Variants in USP38 observed in about 807,000 individuals in gnomAD.
USP38 encodes ubiquitin carboxyl-terminal hydrolase 38.
USP38 carries 49 observed loss-of-function variants against 94.3 expected under a neutral mutation model. The ratio of observed to expected loss-of-function variants is 0.52; its 90% CI spans 0.41 to 0.66. The LOEUF is 0.66. Among genes scored for constraint, USP38 ranks in the 30% least tolerant of loss-of-function variants. The pLI is 0.00. For synonymous variants in USP38, 468 were observed against 463.6 expected (o/e 1.01, Z -0.12); for missense variants, 1,128 against 1,229.4 (o/e 0.92, Z 1.23).
intron 7 of USP38, among the ~76,000 whole-genome samples, chr4:143,210,290 A>C (rs1187483556): frequency 3.9e-5 from 6 of 152,212 alleles, no homozygotes; most frequent in Admixed American, 3.9e-4. Context: ...AGTGATAAGC[A>C]TTAAAAGAAG....
At chr4:143,206,258 C>A (rs960690834) in intron 6 of USP38, 32 bp downstream of exon 6, 6 of 1,501,662 alleles carry the variant, frequency 4.0e-6, no homozygotes, top group Admixed American at 4.1e-5. Flanking sequence ...TTCATTTTAA[C>A]TGTAGAAGTT....
At chr4:143,206,007 C>T (rs544864880) in intron 5 of USP38, 26 bp from the exon 6 acceptor site, 13 of 1,438,354 alleles carry the variant, frequency 9.0e-6, no homozygotes, top group Non-Finnish European at 1.1e-5. Flanking sequence ...TACTTTTAAA[C>T]TGTTTTTCTT....
intron 4 of USP38, among the ~76,000 whole-genome samples, chr4:143,199,867 G>A (rs1731662350): frequency 6.6e-6 from 1 of 152,102 alleles, no homozygotes; most frequent in South Asian, 2.1e-4. Flanking sequence ...TATAGAGGCT[G>A]GATATTAGAC....
At chr4:143,209,489 CAAAA>C in intron 6 of USP38, 71 bp from the exon 7 acceptor site, 3 of 699,098 alleles carry the variant, frequency 4.3e-6, no homozygotes, top group Non-Finnish European at 4.2e-6. Context: ...AACTCTGTCT[CAAAA>C]AAAAAAAAAG....
rs1181280510 is a variant in USP38, at chr4:143,184,948, C to A, written c.-503C>A. On this transcript the variant is annotated 5_prime_UTR_variant, in exon 1 of 10. Transcript: ENST00000307017. ...AAATCCGGGTCAAAGGGTGTCGCTT[C>A]GGTCTCTTCTCCCCGGCTGATCCCA... 6.6e-6 allele frequency: 1 copy of A among 152,428 alleles called. No individual in the cohort carries two copies. 9.4% of individuals were successfully genotyped at this position (152,428 alleles called of 1,614,324 possible). A position where few individuals can be genotyped will look rare whatever the true frequency, so the allele number is the denominator to read the frequency against.
chr4:143,215,864 GA>G (rs1732170982), intron 9 of USP38, among the ~76,000 whole-genome samples: 1 of 152,032 alleles, frequency 6.6e-6, no homozygotes, highest in Non-Finnish European at 1.5e-5. Flanking sequence ...CGATGTTCTT[GA>G]GTGACAAAAA....
At chr4:143,190,892 A>G (rs1731378200) in intron 2 of USP38, among the ~76,000 whole-genome samples, 1 of 152,134 alleles carries the variant, frequency 6.6e-6, no homozygotes, top group Non-Finnish European at 1.5e-5. Context: ...ACTTCTTGGC[A>G]TTCAGTGCTC....
At chr4:143,190,623 T>C (rs541131880) in intron 2 of USP38, among the ~76,000 whole-genome samples, 14 of 152,140 alleles carry the variant, frequency 9.2e-5, no homozygotes, top group Non-Finnish European at 1.6e-4. Context: ...AATTTTCAAA[T>C]CCATCCTTTC....
In USP38 at chr4:143,199,607, A is replaced by G. The variant is rs1731653097; in HGVS notation, c.1050+1683A>G. Reference sequence around the variant, plus strand: ...ACGAATTTATACTCCCACCAAGTGTATAAGTGTTCCCCTTTTTTTGAACCT... The same window carrying G: ...ACGAATTTATACTCCCACCAAGTGTGTAAGTGTTCCCCTTTTTTTGAACCT... On this transcript the variant is annotated intron_variant, in intron 4 of 9. Coordinates refer to ENST00000307017, the MANE Select transcript of USP38 (RefSeq NM_032557.6). Among the ~76,000 whole-genome samples, 4 of 152,160 alleles carry G rather than the reference A, an allele frequency of 2.6e-5. 1 individual carries two copies.
chr4:143,185,183 G>C lies in USP38; in HGVS notation c.-268G>C. ...TGATGCTGAGTGGGATCGAGGGCCCGGGGCGGCGGCGGAGTACGGGCCTCT... is the reference window on the plus strand; with the variant it reads ...TGATGCTGAGTGGGATCGAGGGCCCCGGGCGGCGGCGGAGTACGGGCCTCT... On this transcript the variant is annotated 5_prime_UTR_variant, in exon 1 of 10. Transcript: ENST00000307017. 2.8e-6 allele frequency: 1 copy of C among 360,978 alleles called. No homozygotes were observed. The highest frequency in any genetic ancestry group is 4.5e-5 in the Admixed American group (1 of 22,188). The allele number at this position is 360,978 out of a possible 1,614,324, so 22.4% of individuals were successfully genotyped here. A position where few individuals can be genotyped will look rare whatever the true frequency, so the allele number is the denominator to read the frequency against.
At position 143,213,695 on chromosome 4, in the gene USP38, A is replaced by G. The variant is rs1561247400; in HGVS notation, c.1719A>G (p.Thr573=). 1 of 1,613,628 alleles carries G rather than the reference A, an allele frequency of 6.2e-7. No homozygotes were observed. The highest frequency in any genetic ancestry group is 8.5e-7 in the Non-Finnish European group (1 of 1,179,804). Reference sequence around the variant, plus strand: ...TAGCTAGTAAAGCAGCAGTACTAACAGAGACCCCTCGTACAAGTGACGGTG... The same window carrying G: ...TAGCTAGTAAAGCAGCAGTACTAACGGAGACCCCTCGTACAAGTGACGGTG... ...QEVASKAAVL[T]ETPRTSDGEK... The change falls in exon 9 of 10, where the codon ACA becomes ACG. Residue 573 remains threonine (T), a synonymous_variant. Coordinates refer to ENST00000307017, the MANE Select transcript of USP38 (RefSeq NM_032557.6).
At chr4:143,206,279 G>A (rs1160388770) in intron 6 of USP38, 53 bp downstream of exon 6, 2 of 1,379,618 alleles carry the variant, frequency 1.4e-6, no homozygotes, top group South Asian at 1.5e-5. Flanking sequence ...GATGCATGCT[G>A]ATGAAATATA....
intron 2 of USP38, among the ~76,000 whole-genome samples, chr4:143,189,123 G>C (rs989932844): frequency 1.6e-4 from 24 of 151,930 alleles, no homozygotes; most frequent in South Asian, 1.0e-3. Flanking sequence ...GGATGAAGAA[G>C]GCTTCACTAA....
Position 143,185,497 on chromosome 4 carries a change from C to G in USP38, c.47C>G (p.Pro16Arg). The G allele has an allele frequency of 6.2e-7, 1 of 1,608,332 alleles. No homozygotes were observed. Among genetic ancestry groups the G allele is most frequent in the Non-Finnish European group, 8.5e-7 (1 of 1,176,712 alleles). The change falls in exon 1 of 10, where the codon CCC (proline) becomes CGC (arginine). Residue 16 changes from proline to arginine, a missense_variant. Transcript: ENST00000307017. ...CTTGTGAGTTCCTCGCATCCCCTGC[C>G]CCTCAAGCGGGTGATTGTGCGGAAG... The part of the protein sequence containing the change: ...EGLVSSSHPL[P>R]LKRVIVRKVV...
rs1270049244 is a variant in USP38, at chr4:143,206,837, G to A, written c.1403+611G>A. Among the ~76,000 whole-genome samples the A allele has an allele frequency of 5.9e-5, 9 of 151,876 alleles. No individual in the cohort carries two copies. In the East Asian group the frequency reaches 7.7e-4, roughly 13 times the overall value. On this transcript the variant is annotated intron_variant, in intron 6 of 9. Transcript: ENST00000307017. ...GACTGTAATTTTTTTTAACCTATACGTGTTTTGAGGGAAGTTATATATAAT... is the reference window on the plus strand; with the variant it reads ...GACTGTAATTTTTTTTAACCTATACATGTTTTGAGGGAAGTTATATATAAT...
chr4:143,185,912 T>C lies in USP38; in HGVS notation c.462T>C (p.Phe154=). The part of the protein sequence containing the change: ...CARLSDLLTD[F]VQCIPKGKLS... ...GACTGAGCGACCTTCTGACCGACTT[T>C]GTGCAATGCATCCCCAAGGGGAAAT... The change falls in exon 1 of 10, where the codon TTT becomes TTC. Residue 154 remains phenylalanine, a synonymous_variant. Transcript: ENST00000307017. 6.2e-7 allele frequency: 1 copy of C among 1,614,188 alleles called. No individual in the cohort carries two copies. Among genetic ancestry groups the C allele is most frequent in the Non-Finnish European group, 8.5e-7 (1 of 1,180,028 alleles).
At chr4:143,195,360 T>C (rs949903048) in intron 2 of USP38, among the ~76,000 whole-genome samples, 3 of 152,226 alleles carry the variant, frequency 2.0e-5, no homozygotes, top group Non-Finnish European at 4.4e-5. Context: ...AAATATGTAA[T>C]GCAAATAATT....
In USP38 at chr4:143,185,251, A is replaced by G; in HGVS notation, c.-200A>G. On this transcript the variant is annotated 5_prime_UTR_variant, in exon 1 of 10. Coordinates refer to ENST00000307017, the MANE Select transcript of USP38 (RefSeq NM_032557.6). The stretch of plus-strand genomic sequence containing the variant: ...GCAGGTGTCGGTTCTTAGGCTCTCC[A>G]GGCTCGCTAGCTCCCGCCCCGGCTT... 7 of 625,766 alleles carry G rather than the reference A, an allele frequency of 1.1e-5. No individual in the cohort carries two copies. The South Asian group carries it at 1.5e-4, about 13-fold the overall frequency. 38.8% of individuals were successfully genotyped at this position (625,766 alleles called of 1,614,324 possible).
chr4:143,215,070 T>G lies in USP38; in HGVS notation c.2967+127T>G. 3.2e-6 allele frequency: 3 copies of G among 944,102 alleles called. No homozygotes were observed. In the South Asian group the frequency reaches 5.3e-5, roughly 17 times the overall value. 58.5% of individuals were successfully genotyped at this position (944,102 alleles called of 1,614,324 possible). The stretch of plus-strand genomic sequence containing the variant: ...TCTGAAATATAGGTCTGGATTTACA[T>G]GAAGTATTCTCAACCTGTATAACTA... On this transcript the variant is annotated intron_variant, in intron 9 of 9. Coordinates refer to ENST00000307017, the MANE Select transcript of USP38 (RefSeq NM_032557.6).
Sources: allele counts gnomAD v4.1 joint callset (sites outside exome capture counted in the v4.1 genomes callset), GRCh38; gene constraint gnomAD v4.1.1; transcripts MANE v1.5; gene names NCBI Gene and HGNC (gene_info 2026-07-23, HGNC 2026-07-21).